Variants in LRMDA observed in about 807,000 individuals in gnomAD.
The protein encoded by LRMDA is leucine rich melanocyte differentiation associated.
In LRMDA, 18 loss-of-function variants were observed where a neutral mutation model predicts 29.8. That is an observed-to-expected ratio of 0.60 (90% CI 0.42 to 0.90). The LOEUF (loss-of-function observed/expected upper bound fraction) is 0.90. Among genes scored for constraint, LRMDA ranks in the 40% least tolerant of loss-of-function variants. The probability of loss-of-function intolerance (pLI) is 0.00; values close to 1 mark genes in which losing one functional copy is unlikely to be tolerated. For synonymous variants in LRMDA, 125 were observed against 109.4 expected (o/e 1.14, Z -0.89); for missense variants, 273 against 273.9 (o/e 1.00, Z 0.02).
chr10:75,555,902 G>A (rs1446377651), intron 2 of LRMDA, among the ~76,000 whole-genome samples: 5 of 152,154 alleles, frequency 3.3e-5, no homozygotes, highest in Non-Finnish European at 5.9e-5. Flanking sequence ...TTCTAGGACT[G>A]AAAATTATAA....
chr10:75,592,800 A>G lies in LRMDA; in HGVS notation c.131+154306A>G, dbSNP rs138529003. ...CTTAGTTATGTCAAGCGATTTCTTC[A>G]AAGAGTAATAATAGGTGCTGTCTTC... On this transcript the variant is annotated intron_variant, in intron 2 of 6. Transcript: ENST00000611255. Among the ~76,000 whole-genome samples, 462 of 152,312 alleles carry G rather than the reference A, an allele frequency of 3.0e-3. 6 individuals are homozygous for G. Among genetic ancestry groups the G allele is most frequent in the African/African-American group, 0.01 (421 of 41,574 alleles).
intron 2 of LRMDA, among the ~76,000 whole-genome samples, chr10:76,013,384 TC>T (rs1424144579): frequency 2.6e-5 from 4 of 152,036 alleles, no homozygotes; most frequent in Non-Finnish European, 5.9e-5. Context: ...GGGTGGGGCT[TC>T]TGATGGTAGA....
At chr10:76,345,955 A>G (rs1272978288) in intron 6 of LRMDA, among the ~76,000 whole-genome samples, 1 of 152,206 alleles carries the variant, frequency 6.6e-6, no homozygotes, top group Non-Finnish European at 1.5e-5. Context: ...TAAGCAAAAT[A>G]CTAATATAAC....
Position 75,916,546 on chromosome 10 carries a change from C to T in LRMDA, c.132-119462C>T, listed in dbSNP as rs148187385. 1.1e-3 allele frequency among the ~76,000 whole-genome samples: 164 copies of T among 152,304 alleles called. 1 individual carries two copies. The highest frequency in any genetic ancestry group is 3.5e-3 in the African/African-American group (147 of 41,560). Reference sequence around the variant, plus strand: ...TAAGGCCACAGGGGACTTAGAAAAACCGTCCCCACCCCACCAGGGCTGCCT... The same window carrying T: ...TAAGGCCACAGGGGACTTAGAAAAATCGTCCCCACCCCACCAGGGCTGCCT... On this transcript the variant is annotated intron_variant, in intron 2 of 6. Transcript: ENST00000611255.
chr10:76,166,988 T>G (rs908249228), intron 5 of LRMDA, among the ~76,000 whole-genome samples: 1 of 151,690 alleles, frequency 6.6e-6, no homozygotes, highest in Admixed American at 6.6e-5. Context: ...TGACTTTTTA[T>G]AATAGATAGC....
intron 2 of LRMDA, among the ~76,000 whole-genome samples, chr10:75,500,562 C>T (rs1221916645): frequency 1.3e-5 from 2 of 152,054 alleles, no homozygotes; most frequent in South Asian, 2.1e-4. Flanking sequence ...TATATTAGTC[C>T]GTTTTCACAC....
intron 5 of LRMDA, among the ~76,000 whole-genome samples, chr10:76,234,478 AAG>A (rs1429263109): frequency 1.3e-5 from 2 of 152,182 alleles, no homozygotes; most frequent in African/African-American, 4.8e-5. Flanking sequence ...AGCTCTTATC[AAG>A]AGAGTCAGCC....
chr10:75,869,201 G>A (rs1331886868), intron 2 of LRMDA, among the ~76,000 whole-genome samples: 1 of 152,172 alleles, frequency 6.6e-6, no homozygotes, highest in African/African-American at 2.4e-5. Context: ...GAGGCACAGG[G>A]AACATTTTAA....
intron 2 of LRMDA, among the ~76,000 whole-genome samples, chr10:75,887,425 C>T (rs1240708164): frequency 2.6e-5 from 4 of 152,118 alleles, no homozygotes; most frequent in East Asian, 1.9e-4. Flanking sequence ...GGAGTGTTGA[C>T]GGAGGCCTGG....
chr10:76,391,421 A>G (rs1441638939), intron 6 of LRMDA, among the ~76,000 whole-genome samples: 2 of 152,228 alleles, frequency 1.3e-5, no homozygotes, highest in African/African-American at 4.8e-5. Context: ...TGCTGCCTGC[A>G]GGATAAGTAA....
intron 2 of LRMDA, among the ~76,000 whole-genome samples, chr10:75,803,244 C>T (rs1266151729): frequency 6.6e-6 from 1 of 152,188 alleles, no homozygotes; most frequent in Non-Finnish European, 1.5e-5. Context: ...GCTTGGTTTA[C>T]TTATCTGTCA....
At chr10:75,642,332 A>G (rs1167895972) in intron 2 of LRMDA, 1 of 152,210 alleles carries the variant, frequency 6.6e-6, no homozygotes, top group Non-Finnish European at 1.5e-5. Context: ...TTCAATGTCC[A>G]GAGGACCAAA....
intron 2 of LRMDA, among the ~76,000 whole-genome samples, chr10:76,004,788 C>T (rs1365027320): frequency 2.7e-5 from 4 of 146,012 alleles, no homozygotes; most frequent in Non-Finnish European, 5.9e-5. Flanking sequence ...AGTGCAGTGG[C>T]GTGATCTTGG....
At chr10:76,137,830 G>A (rs530844279) in intron 5 of LRMDA, among the ~76,000 whole-genome samples, 21 of 151,410 alleles carry the variant, frequency 1.4e-4, no homozygotes, top group Non-Finnish European at 2.1e-4. Context: ...ACAATGTGTC[G>A]GAATCCTGGC....
chr10:76,323,541 G>A (rs977801391), intron 5 of LRMDA, among the ~76,000 whole-genome samples: 2 of 152,062 alleles, frequency 1.3e-5, no homozygotes, highest in African/African-American at 4.8e-5. Context: ...TCAGTTAAGA[G>A]TTACAGCGGT....
At chr10:76,142,246 AT>A (rs1850215887) in intron 5 of LRMDA, among the ~76,000 whole-genome samples, 1 of 152,094 alleles carries the variant, frequency 6.6e-6, no homozygotes, top group Non-Finnish European at 1.5e-5. Flanking sequence ...CACACTATCA[AT>A]TGGTTTATGT....
chr10:75,981,418 C>T (rs184871651), intron 2 of LRMDA, among the ~76,000 whole-genome samples: 14 of 152,338 alleles, frequency 9.2e-5, no homozygotes, highest in Non-Finnish European at 1.3e-4. Flanking sequence ...TTTTCATCAG[C>T]AAAGACTCTT....
intron 5 of LRMDA, among the ~76,000 whole-genome samples, chr10:76,310,209 C>T (rs902688882): frequency 4.6e-5 from 7 of 152,108 alleles, no homozygotes; most frequent in Admixed American, 6.5e-5. Flanking sequence ...TATTTTCTGG[C>T]GTTCAGTAGT....
chr10:76,402,767 G>T (rs1254432597), intron 6 of LRMDA, among the ~76,000 whole-genome samples: 2 of 152,134 alleles, frequency 1.3e-5, no homozygotes, highest in Non-Finnish European at 2.9e-5. Context: ...ACTAAGGAGG[G>T]ATTTTACAGC....
Sources: gnomAD v4.1 joint callset for allele counts (sites outside exome capture counted in the v4.1 genomes callset) on GRCh38, gnomAD v4.1.1 for gene constraint, MANE v1.5 for transcripts, NCBI Gene and HGNC (gene_info 2026-07-23, HGNC 2026-07-21) for gene names.